Variants in SLC4A4 observed in about 807,000 individuals in gnomAD.
SLC4A4 encodes solute carrier family 4 member 4, also known as electrogenic sodium bicarbonate cotransporter 1.
SLC4A4 carries 27 observed loss-of-function variants against 111.5 expected under a neutral mutation model. That is an observed-to-expected ratio of 0.24 (90% CI 0.18 to 0.33). The LOEUF (loss-of-function observed/expected upper bound fraction) is 0.33. Ranked by LOEUF, SLC4A4 falls within the 10% of genes least tolerant of loss-of-function variation. The probability of loss-of-function intolerance (pLI) is 1.00; values close to 1 mark genes in which losing one functional copy is unlikely to be tolerated. For missense variants in SLC4A4, 909 were observed against 1,315.5 expected, an observed-to-expected ratio of 0.69 and a Z score of 4.78; for synonymous variants, 443 against 463.4, an observed-to-expected ratio of 0.96 and a Z score of 0.57.
chr4:71,214,011 G>T (rs1176013721), intron 1 of SLC4A4, among the ~76,000 whole-genome samples: 1 of 152,170 alleles, frequency 6.6e-6, no homozygotes, highest in Non-Finnish European at 1.5e-5. Context: ...CCCTACGTAG[G>T]CTGCTCCCTT....
intron 1 of SLC4A4, among the ~76,000 whole-genome samples, chr4:71,212,018 A>T (rs1718166915): frequency 6.6e-6 from 1 of 152,202 alleles, no homozygotes; most frequent in Non-Finnish European, 1.5e-5. Flanking sequence ...GAAGCCAGCC[A>T]ACTGTGAGGA....
At chr4:71,563,449 T>C (rs1737170375) in intron 23 of SLC4A4, among the ~76,000 whole-genome samples, 1 of 151,852 alleles carries the variant, frequency 6.6e-6, no homozygotes, top group Admixed American at 6.6e-5. Context: ...GTTTCCTATG[T>C]TTAATCTGTT....
intron 3 of SLC4A4, among the ~76,000 whole-genome samples, chr4:71,278,795 C>T (rs1560840802): frequency 6.6e-6 from 1 of 151,996 alleles, no homozygotes; most frequent in African/African-American, 2.4e-5. Flanking sequence ...ATGAGATTGT[C>T]ATTATTATTA....
At chr4:71,410,165 G>A (rs1220643956) in intron 7 of SLC4A4, among the ~76,000 whole-genome samples, 2 of 152,198 alleles carry the variant, frequency 1.3e-5, no homozygotes, top group African/African-American at 2.4e-5. Flanking sequence ...CCCCCACACT[G>A]AGTCCCTACT....
Position 71,532,062 on chromosome 4 carries a change from G to T in SLC4A4, c.2167G>T (p.Ala723Ser). The T allele has an allele frequency of 6.3e-7, 1 of 1,591,104 alleles. No individual in the cohort carries two copies. Among genetic ancestry groups the T allele is most frequent in the Non-Finnish European group, 8.6e-7 (1 of 1,159,744 alleles). Reference protein sequence around the residue: ...FKTSPYFPTTARKLISDFAII... With the variant: ...FKTSPYFPTTSRKLISDFAII... ...CCTGGTTTCTTTTTTATTTTTCCAG[G>T]CAAGAAAACTGATCAGTGATTTTGC... Residue 723 changes from alanine (A) to serine (S), a missense_variant and splice_region_variant, in exon 17 of 26, where the codon GCA becomes TCA. By Grantham distance (99) the Ala-to-Ser change is moderately conservative (BLOSUM62 1). Transcript: ENST00000264485.
At chr4:71,513,454 G>A (rs1045059317) in intron 16 of SLC4A4, among the ~76,000 whole-genome samples, 1 of 151,890 alleles carries the variant, frequency 6.6e-6, no homozygotes, top group Non-Finnish European at 1.5e-5. Context: ...ATAGAAATGC[G>A]ACTGGGTTTT....
rs369390733 is a variant in SLC4A4 at position 71,100,498 on chromosome 4, T to C, written c.-2+7706T>C. ...AAACCACAGTCAACATCATACTGGATGGGCAAAAGCTGGAAGCACCCCCCT... is the reference window on the plus strand; with the variant it reads ...AAACCACAGTCAACATCATACTGGACGGGCAAAAGCTGGAAGCACCCCCCT... On this transcript the variant is annotated intron_variant, in intron 2 of 26. Coordinates refer to the SLC4A4 transcript ENST00000649996. Among the ~76,000 whole-genome samples the C allele has an allele frequency of 1.3e-3, 196 of 152,272 alleles. 1 individual carries two copies. The highest frequency in any genetic ancestry group is 4.6e-3 in the African/African-American group (191 of 41,558).
chr4:71,237,536 C>G (rs904926180), intron 2 of SLC4A4, among the ~76,000 whole-genome samples: 1 of 152,054 alleles, frequency 6.6e-6, no homozygotes, highest in African/African-American at 2.4e-5. Flanking sequence ...AGATTCTGAC[C>G]TGACCGGTGC....
At chr4:71,311,628 G>T (rs1726172928) in intron 3 of SLC4A4, among the ~76,000 whole-genome samples, 1 of 152,050 alleles carries the variant, frequency 6.6e-6, no homozygotes, top group African/African-American at 2.4e-5. Context: ...AAAGTTCTTT[G>T]AAACCTATGA....
intron 3 of SLC4A4, chr4:71,339,163 GATAC>G: frequency 6.2e-7 from 1 of 1,613,412 alleles, no homozygotes. Flanking sequence ...GGAGAACCAA[GATAC>G]AGTTCAGAAC....
Position 71,386,955 on chromosome 4 carries a change from G to A in SLC4A4, c.731-10622G>A, listed in dbSNP as rs144454691. 2.4e-3 allele frequency among the ~76,000 whole-genome samples: 358 copies of A among 152,282 alleles called. 1 individual carries two copies. The highest frequency in any genetic ancestry group is 7.4e-3 in the Admixed American group (113 of 15,292). ...TAAGCTCAAGAATTCAGAAGACTTT[G>A]CTGTGAGATACAAACACCTGTGCTA... On this transcript the variant is annotated intron_variant, in intron 6 of 25. Transcript: ENST00000264485.
intron 1 of SLC4A4, among the ~76,000 whole-genome samples, chr4:71,083,242 A>C (rs961549542): frequency 1.3e-5 from 2 of 151,922 alleles, no homozygotes; most frequent in African/African-American, 2.4e-5. Flanking sequence ...TAAATGTATG[A>C]TAGCATTCAG....
At chr4:71,236,692 T>G (rs925723214) in intron 2 of SLC4A4, 43 bp downstream of exon 2, 21 of 1,461,828 alleles carry the variant, frequency 1.4e-5, no homozygotes, top group Non-Finnish European at 2.0e-5. Flanking sequence ...GACATACATA[T>G]GTCTCTATAG....
intron 7 of SLC4A4, among the ~76,000 whole-genome samples, chr4:71,401,144 G>A (rs1720320044): frequency 6.6e-6 from 1 of 152,200 alleles, no homozygotes; most frequent in South Asian, 2.1e-4. Flanking sequence ...AAGAGGAACA[G>A]AATTGCTCTT....
chr4:71,558,988 G>A (rs1251193955), intron 22 of SLC4A4, among the ~76,000 whole-genome samples: 2 of 151,792 alleles, frequency 1.3e-5, no homozygotes, highest in African/African-American at 4.8e-5. Flanking sequence ...GCTAGACCAG[G>A]ATACATTTGA....
intron 16 of SLC4A4, among the ~76,000 whole-genome samples, chr4:71,531,790 C>T (rs1733940644): frequency 6.8e-6 from 1 of 147,906 alleles, no homozygotes. Flanking sequence ...CACACACACA[C>T]ACACACACAC....
intron 3 of SLC4A4, among the ~76,000 whole-genome samples, chr4:71,331,538 C>G (rs1281785280): frequency 6.8e-6 from 1 of 147,882 alleles, no homozygotes; most frequent in Non-Finnish European, 1.5e-5. Flanking sequence ...CAATGAGAAC[C>G]CTTGGACACA....
Position 71,160,735 on chromosome 4 carries a change from G to T in SLC4A4, c.-2+67943G>T, listed in dbSNP as rs146501454. Among the ~76,000 whole-genome samples the T allele has an allele frequency of 9.8e-3, 1,491 of 151,910 alleles. 24 individuals are homozygous for T. The highest frequency in any genetic ancestry group is 0.034 in the African/African-American group (1,427 of 41,466). On this transcript the variant is annotated intron_variant, in intron 2 of 26. Transcript: ENST00000649996. ...TGGTCTAAGAAAGCAAATCAATGAA[G>T]AGGATTTGACTAAAAATATCCCCAC...
intron 1 of SLC4A4, among the ~76,000 whole-genome samples, chr4:71,083,667 T>C (rs1388741389): frequency 2.6e-5 from 4 of 152,030 alleles, no homozygotes; most frequent in South Asian, 4.1e-4. Context: ...TTGGTGGAGA[T>C]GCTGTGCCTG....
Sources: gnomAD v4.1 joint callset for allele counts (sites outside exome capture counted in the v4.1 genomes callset) on GRCh38, gnomAD v4.1.1 for gene constraint, MANE v1.5 for transcripts, NCBI Gene and HGNC (gene_info 2026-07-23, HGNC 2026-07-21) for gene names.